The following PRKD1 variants were observed in gnomAD, a reference collection of about 807,000 sequenced individuals.
PRKD1 encodes the protein protein kinase D1.
A neutral mutation model predicts 95.9 loss-of-function variants in PRKD1; 63 were observed. That is an observed-to-expected ratio of 0.66 (90% confidence interval 0.54 to 0.81). The LOEUF (loss-of-function observed/expected upper bound fraction) is 0.81. Ranked by LOEUF, PRKD1 falls within the 30% of genes least tolerant of loss-of-function variation. The pLI is 0.00. For missense variants in PRKD1, 1,048 were observed against 1,165.3 expected (o/e 0.90, Z 1.47); for synonymous variants, 425 against 423.1 (o/e 1.00, Z -0.05).
At chr14:29,752,573 C>A in intron 1 of PRKD1, among the ~76,000 whole-genome samples, 1 of 150,590 alleles carries the variant, frequency 6.6e-6, no homozygotes. Context: ...ATCCATATAT[C>A]TTATTATATA....
intron 1 of PRKD1, among the ~76,000 whole-genome samples, chr14:29,859,793 C>T (rs963229684): frequency 5.9e-5 from 9 of 152,056 alleles, no homozygotes; most frequent in Non-Finnish European, 1.2e-4. Flanking sequence ...TGGTAGTAAA[C>T]ATTCAAAGCA....
intron 2 of PRKD1, among the ~76,000 whole-genome samples, chr14:29,684,724 A>C (rs1382870096): frequency 6.6e-6 from 1 of 152,170 alleles, no homozygotes; most frequent in Non-Finnish European, 1.5e-5. Flanking sequence ...CTGAATGGAC[A>C]ATGACTAGGA....
intron 1 of PRKD1, among the ~76,000 whole-genome samples, chr14:29,912,533 T>C (rs1042083373): frequency 6.6e-6 from 1 of 152,188 alleles, no homozygotes; most frequent in Non-Finnish European, 1.5e-5. Flanking sequence ...GAGTAATAGG[T>C]ATAACTCACA....
chr14:29,658,114 C>G (rs1395416773), intron 4 of PRKD1, among the ~76,000 whole-genome samples: 1 of 152,154 alleles, frequency 6.6e-6, no homozygotes, highest in Non-Finnish European at 1.5e-5. Context: ...AAAGTATTAT[C>G]CTTGCTATCT....
At chr14:29,919,412 C>T (rs1895004778) in intron 1 of PRKD1, among the ~76,000 whole-genome samples, 1 of 152,124 alleles carries the variant, frequency 6.6e-6, no homozygotes, top group African/African-American at 2.4e-5. Flanking sequence ...TATAATTGAA[C>T]ACTCTGTATA....
chr14:29,791,357 G>A (rs1889536705), intron 1 of PRKD1, among the ~76,000 whole-genome samples: 1 of 152,050 alleles, frequency 6.6e-6, no homozygotes. Flanking sequence ...CATATTTAAA[G>A]TAGGCAATTT....
At chr14:29,706,556 T>C (rs1249283689) in intron 2 of PRKD1, among the ~76,000 whole-genome samples, 1 of 152,154 alleles carries the variant, frequency 6.6e-6, no homozygotes, top group African/African-American at 2.4e-5. Context: ...AGCGTGAAAG[T>C]TTAATATATT....
chr14:29,627,475 T>A (rs1006598149), intron 11 of PRKD1, among the ~76,000 whole-genome samples: 2 of 152,174 alleles, frequency 1.3e-5, no homozygotes, highest in Admixed American at 1.3e-4. Context: ...AGTCTAATTC[T>A]TTCTCTTTGA....
At chr14:29,605,998 GT>G (rs989706720) in intron 13 of PRKD1, among the ~76,000 whole-genome samples, 35 of 152,176 alleles carry the variant, frequency 2.3e-4, no homozygotes, top group African/African-American at 7.9e-4. Context: ...ATGATCATAA[GT>G]AATGACTTTT....
intron 1 of PRKD1, among the ~76,000 whole-genome samples, chr14:29,914,528 G>A (rs548401544): frequency 6.6e-6 from 1 of 152,190 alleles, no homozygotes; most frequent in African/African-American, 2.4e-5. Context: ...GCCAAGGCGG[G>A]TTCGAGACCA....
intron 1 of PRKD1, among the ~76,000 whole-genome samples, chr14:29,780,592 C>T (rs1888998495): frequency 6.6e-6 from 1 of 152,156 alleles, no homozygotes; most frequent in Admixed American, 6.5e-5. Flanking sequence ...CAATCAGATA[C>T]CAGCTCACAC....
At chr14:29,862,676 C>T (rs753758573) in intron 1 of PRKD1, among the ~76,000 whole-genome samples, 3 of 152,104 alleles carry the variant, frequency 2.0e-5, no homozygotes, top group African/African-American at 4.8e-5. Context: ...TCAAGAAATA[C>T]CTATTCCAAT....
At chr14:29,697,184 A>C (rs953868268) in intron 2 of PRKD1, among the ~76,000 whole-genome samples, 6 of 151,940 alleles carry the variant, frequency 3.9e-5, no homozygotes, top group Non-Finnish European at 8.8e-5. Context: ...CAAACAAACA[A>C]ACACCACCAC....
chr14:29,668,193 G>C (rs1882630514), intron 2 of PRKD1, among the ~76,000 whole-genome samples: 1 of 152,130 alleles, frequency 6.6e-6, no homozygotes, highest in Non-Finnish European at 1.5e-5. Flanking sequence ...TTGAGTGTAT[G>C]CATGCCACCT....
intron 1 of PRKD1, among the ~76,000 whole-genome samples, chr14:29,885,789 A>C (rs1893681170): frequency 7.4e-6 from 1 of 135,576 alleles, no homozygotes. Context: ...CAACATGGTG[A>C]AACCCCATCT....
In PRKD1 at chr14:29,628,933, T is replaced by C. The variant is rs45596940; in HGVS notation, c.1725+108A>G. 7.8e-3 allele frequency: 5,677 copies of C among 726,264 alleles called. 136 individuals carry two copies. Among genetic ancestry groups the C allele is most frequent in the African/African-American group, 0.065 (3,452 of 53,230 alleles). 45.0% of individuals were successfully genotyped at this position (726,264 alleles called of 1,614,324 possible). ...AAAAATATCCAAATTCTATTTTGCT[T>C]TCCAAAATTTACTAAAAAATTAAAA... On this transcript the variant is annotated intron_variant, in intron 11 of 17. Transcript: ENST00000331968.
chr14:29,618,194 A>T (rs1048684099), intron 13 of PRKD1, among the ~76,000 whole-genome samples: 1 of 152,208 alleles, frequency 6.6e-6, no homozygotes, highest in Non-Finnish European at 1.5e-5. Flanking sequence ...GAATAACAGA[A>T]AATTCAAAAA....
chr14:29,754,771 T>C (rs1239359399), intron 1 of PRKD1, among the ~76,000 whole-genome samples: 6 of 152,144 alleles, frequency 3.9e-5, no homozygotes. Flanking sequence ...CAAATACCTC[T>C]GCCTTTCCCT....
In PRKD1 at chr14:29,672,346, AAAAATAAAAT is replaced by A. The variant is rs540578140; in HGVS notation, c.404-6148_404-6139del. Among the ~76,000 whole-genome samples, 22 of 151,606 alleles carry A rather than the reference AAAAATAAAAT, an allele frequency of 1.5e-4. No individual in the cohort carries two copies. In the South Asian group the frequency reaches 2.1e-3, roughly 14 times the overall value. On this transcript the variant is annotated intron_variant, in intron 2 of 17. Coordinates refer to ENST00000331968, the MANE Select transcript of PRKD1 (RefSeq NM_002742.3). ...ACAGAGCGAGACTCTGTCTCAAAAA[AAAAATAAAAT>A]AAAATAAAATAAAATAAAATAATTA...
Sources: allele counts gnomAD v4.1 joint callset (sites outside exome capture counted in the v4.1 genomes callset), GRCh38; gene constraint gnomAD v4.1.1; transcripts MANE v1.5; gene names NCBI Gene and HGNC (gene_info 2026-07-23, HGNC 2026-07-21).